Variants in FAXC observed in about 807,000 individuals in gnomAD.
FAXC encodes the protein failed axon connections homolog.
Under a neutral mutation model 41.9 loss-of-function variants are expected in FAXC, and 10 were observed. The ratio of observed to expected loss-of-function variants is 0.24; its 90% confidence interval spans 0.15 to 0.41. The LOEUF (loss-of-function observed/expected upper bound fraction) is 0.41. Among genes scored for constraint, FAXC ranks in the 10% least tolerant of loss-of-function variants. The pLI, the probability that FAXC is intolerant of heterozygous loss-of-function variation, is 1.00. For synonymous variants in FAXC, 183 were observed against 183.8 expected (o/e 1.00, Z 0.03); for missense variants, 399 against 510.9 (o/e 0.78, Z 2.11).
rs1770833990 is a variant in FAXC at position 99,281,463 on chromosome 6, G to A, written c.941-10C>T. The A allele has an allele frequency of 3.8e-6, 6 of 1,599,696 alleles. No individual in the cohort carries two copies. Among genetic ancestry groups the A allele is most frequent in the Non-Finnish European group, 5.1e-6 (6 of 1,168,868 alleles). Reference sequence around the variant, plus strand: ...AGGTTGATCAGCTCACCTGCAGTGTGGTAAGGAAAGCAAGGATTAGTTCTC... The same window carrying A: ...AGGTTGATCAGCTCACCTGCAGTGTAGTAAGGAAAGCAAGGATTAGTTCTC... On this transcript the variant is annotated splice_polypyrimidine_tract_variant and intron_variant, in intron 5 of 5. Transcript: ENST00000389677.
At chr6:99,285,214 T>C (rs911149310) in intron 5 of FAXC, among the ~76,000 whole-genome samples, 1 of 152,084 alleles carries the variant, frequency 6.6e-6, no homozygotes, top group Non-Finnish European at 1.5e-5. Context: ...TATTCAACTA[T>C]AATAAAAGCA....
At chr6:99,291,880 A>G (rs1403669192) in intron 4 of FAXC, 60 bp from the exon 5 acceptor site, 9 of 1,232,274 alleles carry the variant, frequency 7.3e-6, no homozygotes, top group Non-Finnish European at 1.1e-5. Flanking sequence ...CATCATCACA[A>G]TGGCATTTAG....
rs571467140 is a variant in FAXC, at chr6:99,322,591, G to A, written c.823+853C>T. On this transcript the variant is annotated intron_variant, in intron 4 of 5. Coordinates refer to ENST00000389677, the MANE Select transcript of FAXC (RefSeq NM_032511.4). Reference sequence around the variant, plus strand: ...AAACTAGTAGCCCTCAAAAGGACCTGGTCAGATGACCTAGTCACATGGAGG... The same window carrying A: ...AAACTAGTAGCCCTCAAAAGGACCTAGTCAGATGACCTAGTCACATGGAGG... Among the ~76,000 whole-genome samples, 3 of 152,272 alleles carry A rather than the reference G, an allele frequency of 2.0e-5. No homozygotes were observed. The South Asian group carries it at 6.2e-4, about 32-fold the overall frequency.
rs559237343 is a variant in FAXC at position 99,278,609 on chromosome 6, A to T, written c.*2555T>A. 3.7e-4 allele frequency: 57 copies of T among 152,288 alleles called. No individual in the cohort carries two copies. Among genetic ancestry groups the T allele is most frequent in the African/African-American group, 1.3e-3 (55 of 41,546 alleles). 9.4% of individuals were successfully genotyped at this position (152,288 alleles called of 1,614,324 possible). On this transcript the variant is annotated 3_prime_UTR_variant, in exon 6 of 6. Coordinates refer to ENST00000389677, the MANE Select transcript of FAXC (RefSeq NM_032511.4). ...ATTAAATCCTTCCGGATAAAGACTCACACTATGGTGACTTTGTCTTGGTTA... is the reference window on the plus strand; with the variant it reads ...ATTAAATCCTTCCGGATAAAGACTCTCACTATGGTGACTTTGTCTTGGTTA...
chr6:99,318,102 C>CA (rs939605478), intron 4 of FAXC, among the ~76,000 whole-genome samples: 15 of 151,894 alleles, frequency 9.9e-5, no homozygotes, highest in African/African-American at 2.9e-4. Context: ...ACTAAAAATA[C>CA]AAAAAAATTA....
intron 4 of FAXC, among the ~76,000 whole-genome samples, chr6:99,292,492 G>A (rs546597785): frequency 1.3e-5 from 2 of 152,184 alleles, no homozygotes; most frequent in East Asian, 1.9e-4. Flanking sequence ...CCTTGTCACC[G>A]GACTATCACA....
At chr6:99,324,783 C>T (rs1772733400) in intron 3 of FAXC, among the ~76,000 whole-genome samples, 1 of 152,144 alleles carries the variant, frequency 6.6e-6, no homozygotes, top group Non-Finnish European at 1.5e-5. Flanking sequence ...TGTGCGAGTA[C>T]AGGCATAAGA....
At chr6:99,296,373 G>T (rs1314055540) in intron 4 of FAXC, among the ~76,000 whole-genome samples, 1 of 152,086 alleles carries the variant, frequency 6.6e-6, no homozygotes. Context: ...CTTCATTTTT[G>T]GCAGGTGAAC....
rs991332818 is a variant in FAXC at position 99,279,206 on chromosome 6, T to C, written c.*1958A>G. The C allele has an allele frequency of 6.6e-6, 1 of 152,200 alleles. No homozygotes were observed. The highest frequency in any genetic ancestry group is 1.5e-5 in the Non-Finnish European group (1 of 68,042). The allele number at this position is 152,200 out of a possible 1,614,324, so 9.4% of individuals were successfully genotyped here. A position where few individuals can be genotyped will look rare whatever the true frequency, so the allele number is the denominator to read the frequency against. On this transcript the variant is annotated 3_prime_UTR_variant, in exon 6 of 6. Coordinates refer to ENST00000389677, the MANE Select transcript of FAXC (RefSeq NM_032511.4). ...AGCCTCAAACAGGCTTATCCATTCA[T>C]ATCTTCTCCACCACATTCTTATTAG...
chr6:99,281,342 C>G lies in FAXC; in HGVS notation c.1052G>C (p.Gly351Ala), dbSNP rs1273720536. The change falls in exon 6 of 6, where the codon GGC becomes GCC. Residue 351 changes from glycine (G) to alanine (A), a missense_variant. Around this residue, in one of 3 missense-constraint regions of FAXC, gnomAD observed 92 missense variants for 94.9 expected, o/e 0.97. Transcript: ENST00000389677. ...CAGCAGCGGGGTGTGGGTTTTGCTG[C>G]CTTCGCTGCTCTCCTCAGACTCATA... ...TIYESEESSE[G>A]SKTHTPLLDF... 6.2e-7 allele frequency: 1 copy of G among 1,614,156 alleles called. No individual in the cohort carries two copies. The highest frequency in any genetic ancestry group is 1.3e-5 in the African/African-American group (1 of 75,044).
At chr6:99,284,817 C>T (rs150096097) in intron 5 of FAXC, among the ~76,000 whole-genome samples, 1 of 151,180 alleles carries the variant, frequency 6.6e-6, no homozygotes, top group Admixed American at 6.6e-5. Context: ...GGGAGGCTGA[C>T]GCAGGAGAAT....
intron 5 of FAXC, among the ~76,000 whole-genome samples, chr6:99,285,533 C>T (rs770570160): frequency 1.3e-5 from 2 of 152,174 alleles, no homozygotes; most frequent in Non-Finnish European, 2.9e-5. Flanking sequence ...AAAGGATTTA[C>T]ATTAAATCCT....
chr6:99,329,660 G>A (rs1554202688), intron 3 of FAXC, among the ~76,000 whole-genome samples: 1 of 152,048 alleles, frequency 6.6e-6, no homozygotes, highest in Non-Finnish European at 1.5e-5. Context: ...GGGGTGGGGA[G>A]AAAAGAAAGA....
chr6:99,294,851 A>G (rs186322919), intron 4 of FAXC, among the ~76,000 whole-genome samples: 8 of 152,030 alleles, frequency 5.3e-5, no homozygotes, highest in African/African-American at 1.2e-4. Flanking sequence ...GAACCCACAC[A>G]TCAAATAGCG....
rs1770646918 is a variant in FAXC, at chr6:99,276,859, C to A, written c.*4305G>T. On this transcript the variant is annotated 3_prime_UTR_variant, in exon 6 of 6. Coordinates refer to ENST00000389677, the MANE Select transcript of FAXC (RefSeq NM_032511.4). ...GTTGGATTATCAGTGGAGTTCCTGA[C>A]AAACAAAAAGTGAAAATTCACTATT... The A allele has an allele frequency of 6.6e-6, 1 of 152,156 alleles. No individual in the cohort carries two copies. Among genetic ancestry groups the A allele is most frequent in the African/African-American group, 2.4e-5 (1 of 41,418 alleles). 9.4% of individuals were successfully genotyped at this position (152,156 alleles called of 1,614,324 possible).
chr6:99,347,331 G>C (rs115701107), intron 1 of FAXC, among the ~76,000 whole-genome samples: 5,080 of 151,912 alleles, frequency 0.033, 118 homozygotes, highest in African/African-American at 0.046. Flanking sequence ...GAACCAGGGA[G>C]GTGGAGGTTG....
chr6:99,346,508 C>T (rs188115368), intron 1 of FAXC, among the ~76,000 whole-genome samples: 1 of 152,190 alleles, frequency 6.6e-6, no homozygotes, highest in Admixed American at 6.5e-5. Context: ...TGCCTCAGCT[C>T]CCCGAGTAGC....
intron 4 of FAXC, among the ~76,000 whole-genome samples, chr6:99,303,954 T>C (rs555764048): frequency 6.6e-6 from 1 of 152,300 alleles, no homozygotes; most frequent in South Asian, 2.1e-4. Context: ...CCTGAGCTTT[T>C]ATTAAGAAAG....
Position 99,312,900 on chromosome 6 carries a change from A to T in FAXC, c.823+10544T>A, listed in dbSNP as rs549101207. On this transcript the variant is annotated intron_variant, in intron 4 of 5. Coordinates refer to ENST00000389677, the MANE Select transcript of FAXC (RefSeq NM_032511.4). ...CAATGCCTCTCCCATACCTCTGCTGATACTCCTTCATATTATTTAAAAAAC... is the reference window on the plus strand; with the variant it reads ...CAATGCCTCTCCCATACCTCTGCTGTTACTCCTTCATATTATTTAAAAAAC... Among the ~76,000 whole-genome samples, 11 of 152,330 alleles carry T rather than the reference A, an allele frequency of 7.2e-5. No individual in the cohort carries two copies. In the East Asian group the frequency reaches 2.1e-3, roughly 29 times the overall value.
Sources: allele counts gnomAD v4.1 joint callset (sites outside exome capture counted in the v4.1 genomes callset), GRCh38; gene constraint gnomAD v4.1.1; regional missense constraint gnomAD v4.1.1; transcripts MANE v1.5; gene names NCBI Gene and HGNC (gene_info 2026-07-23, HGNC 2026-07-21).